Variants in COL15A1 observed in about 807,000 individuals in gnomAD.
COL15A1 encodes collagen alpha-1(XV) chain.
A neutral mutation model predicts 165.9 loss-of-function variants in COL15A1; 111 were observed. The observed-to-expected ratio is 0.67, with a 90% CI of 0.57 to 0.78. COL15A1 has a LOEUF of 0.78. Ranked by LOEUF, COL15A1 falls within the 30% of genes least tolerant of loss-of-function variation. COL15A1 has a pLI of 0.00. For missense variants in COL15A1, 1,745 were observed against 1,789.7 expected, an observed-to-expected ratio of 0.98 and a Z score of 0.45; for synonymous variants, 659 against 674.8, an observed-to-expected ratio of 0.98 and a Z score of 0.36.
chr9:98,983,828 C>T (rs60319136), intron 2 of COL15A1, among the ~76,000 whole-genome samples: 2,490 of 152,324 alleles, frequency 0.016, 56 homozygotes, highest in African/African-American at 0.057. Flanking sequence ...GAGGAAGACA[C>T]TCAGACTTGG....
intron 5 of COL15A1, among the ~76,000 whole-genome samples, chr9:98,990,422 T>C (rs1228125046): frequency 2.6e-5 from 4 of 152,214 alleles, no homozygotes; most frequent in African/African-American, 4.8e-5. Flanking sequence ...GTTGCCTGCC[T>C]ACCTGGTGAT....
rs374970619 is a variant in COL15A1, at chr9:99,023,338, A to G, written c.1762-19A>G. The G allele has an allele frequency of 2.0e-4, 309 of 1,584,244 alleles. No homozygotes were observed. Among genetic ancestry groups the G allele is most frequent in the Non-Finnish European group, 2.3e-4 (267 of 1,165,250 alleles). ...TCTGGCAGTTAAATGCAAGTAGTGG[A>G]AATTTCTTCTCTTTCCAGGCAGGAG... On this transcript the variant is annotated intron_variant, in intron 13 of 41. Transcript: ENST00000375001.
At position 98,997,059 on chromosome 9, in the gene COL15A1, C is replaced by G; in HGVS notation, c.930C>G (p.Ile310Met). The change falls in exon 6 of 42, where the codon ATC becomes ATG. Residue 310 changes from isoleucine (I) to methionine (M), a missense_variant. Transcript: ENST00000375001. Reference protein sequence around the residue: ...GTLETTNMSIIQHSSPKQGSG... With the variant: ...GTLETTNMSIMQHSSPKQGSG... ...TGGAAACCACCAACATGAGCATCATCCAGCACAGCAGCCCCAAACAAGGCA... is the reference window on the plus strand; with the variant it reads ...TGGAAACCACCAACATGAGCATCATGCAGCACAGCAGCCCCAAACAAGGCA... 1 of 1,614,232 alleles carries G rather than the reference C, an allele frequency of 6.2e-7. No homozygotes were observed. Among genetic ancestry groups the G allele is most frequent in the East Asian group, 2.2e-5 (1 of 44,884 alleles).
At chr9:99,044,840 A>C (rs1839469529) in intron 26 of COL15A1, 70 bp downstream of exon 26, 1 of 1,400,912 alleles carries the variant, frequency 7.1e-7, no homozygotes, top group Non-Finnish European at 1.0e-6. Flanking sequence ...TGATTTGGTT[A>C]GATTTAGTTG....
chr9:99,025,106 GGA>G (rs1839101877), intron 15 of COL15A1, 107 bp downstream of exon 15: 4 of 841,324 alleles, frequency 4.8e-6, no homozygotes, highest in Non-Finnish European at 5.5e-6. Context: ...TTCGCGATGG[GGA>G]GAGAGCAGCT....
intron 12 of COL15A1, among the ~76,000 whole-genome samples, chr9:99,020,807 G>A (rs1839014608): frequency 6.6e-6 from 1 of 152,222 alleles, no homozygotes; most frequent in Non-Finnish European, 1.5e-5. Flanking sequence ...TTCTTCCTGG[G>A]AAAATGTTGG....
Position 99,069,820 on chromosome 9 carries a change from C to T in COL15A1, c.4101C>T (p.Tyr1367=), listed in dbSNP as rs768820539. 6.2e-7 allele frequency: 1 copy of T among 1,614,230 alleles called. No individual in the cohort carries two copies. The highest frequency in any genetic ancestry group is 2.2e-5 in the East Asian group (1 of 44,882). ...GGAAGATTCTGGACCAGAAAGCATA[C>T]AGCTGTGCTAATCGGCTAATTGTCC... ...STGKILDQKA[Y]SCANRLIVLC... Residue 1367 remains tyrosine (Y), a synonymous_variant, in exon 42 of 42, where the codon TAC becomes TAT. Coordinates refer to ENST00000375001, the MANE Select transcript of COL15A1 (RefSeq NM_001855.5).
At chr9:98,999,652 G>A (rs1445405050) in intron 6 of COL15A1, among the ~76,000 whole-genome samples, 1 of 151,410 alleles carries the variant, frequency 6.6e-6, no homozygotes, top group Non-Finnish European at 1.5e-5. Flanking sequence ...CTGAGCAGCT[G>A]GGTCTACAGC....
intron 41 of COL15A1, among the ~76,000 whole-genome samples, chr9:99,068,942 G>A (rs1023964727): frequency 3.3e-5 from 5 of 152,208 alleles, no homozygotes; most frequent in African/African-American, 9.7e-5. Flanking sequence ...CTATGTCATA[G>A]AATTGTGAGA....
chr9:98,952,745 A>C lies in COL15A1; in HGVS notation c.100+8495A>C, dbSNP rs181273510. Among the ~76,000 whole-genome samples, 297 of 152,300 alleles carry C rather than the reference A, an allele frequency of 2.0e-3. 1 individual carries two copies. The highest frequency in any genetic ancestry group is 6.9e-3 in the African/African-American group (288 of 41,568). ...CAAAGTGGTCCCCAGGTTTCCCCCA[A>C]GTACTAATTAAAGTGTGAGCTATTG... On this transcript the variant is annotated intron_variant, in intron 2 of 41. Coordinates refer to ENST00000375001, the MANE Select transcript of COL15A1 (RefSeq NM_001855.5).
chr9:98,954,768 A>G (rs903709612), intron 2 of COL15A1, among the ~76,000 whole-genome samples: 1 of 152,234 alleles, frequency 6.6e-6, no homozygotes, highest in African/African-American at 2.4e-5. Context: ...CTGCAACAGC[A>G]TATGAGAACG....
At chr9:99,039,706 G>C (rs965180754) in intron 22 of COL15A1, among the ~76,000 whole-genome samples, 2 of 152,162 alleles carry the variant, frequency 1.3e-5, no homozygotes, top group Admixed American at 6.5e-5. Context: ...TGAGGTTGCA[G>C]CCCCATCTTC....
At chr9:99,010,570 G>A (rs1414546636) in intron 9 of COL15A1, among the ~76,000 whole-genome samples, 1 of 152,152 alleles carries the variant, frequency 6.6e-6, no homozygotes. Flanking sequence ...TGTTGCAGTA[G>A]ATAACCTCGG....
chr9:99,049,596 C>A, intron 28 of COL15A1, 94 bp from the exon 29 acceptor site: 3 of 1,523,664 alleles, frequency 2.0e-6, no homozygotes, highest in South Asian at 1.2e-5. Context: ...CTTCAGCAGA[C>A]CCTCCTTTCC....
chr9:99,022,988 G>A (rs1839053354), intron 13 of COL15A1, among the ~76,000 whole-genome samples: 2 of 152,184 alleles, frequency 1.3e-5, no homozygotes, highest in African/African-American at 4.8e-5. Flanking sequence ...GGTGGTCCTA[G>A]CATCTCACTG....
rs1354265693 is a variant in COL15A1, at chr9:99,015,585, C to CCT, written c.1503+24_1503+25dup. The CCT allele has an allele frequency of 4.3e-6, 7 of 1,610,988 alleles. No homozygotes were observed. The Middle Eastern group carries it at 5.2e-4, about 119-fold the overall frequency. ...CACTTCTGTAAGTGTCATCTTGTGT[C>CCT]CTCTCTGGCTCACAGGGGAGAGACA... On this transcript the variant is annotated intron_variant, in intron 10 of 41. Transcript: ENST00000375001.
At chr9:98,990,986 G>C (rs886221897) in intron 5 of COL15A1, among the ~76,000 whole-genome samples, 6 of 152,040 alleles carry the variant, frequency 3.9e-5, no homozygotes, top group African/African-American at 7.2e-5. Context: ...CAAGAGTAAA[G>C]CTGCAGACCT....
At chr9:98,964,273 C>T (rs959775606) in intron 2 of COL15A1, among the ~76,000 whole-genome samples, 1 of 126,930 alleles carries the variant, frequency 7.9e-6, no homozygotes, top group African/African-American at 2.9e-5. Flanking sequence ...AGGTCTGATT[C>T]CCTCTCCCAT....
chr9:99,055,725 G>A (rs1285399062), intron 34 of COL15A1, among the ~76,000 whole-genome samples: 1 of 152,248 alleles, frequency 6.6e-6, no homozygotes, highest in African/African-American at 2.4e-5. Flanking sequence ...TAGAGGAGCT[G>A]TTTGATTCTT....
Sources: allele counts gnomAD v4.1 joint callset (sites outside exome capture counted in the v4.1 genomes callset), GRCh38; gene constraint gnomAD v4.1.1; transcripts MANE v1.5; gene names NCBI Gene and HGNC (gene_info 2026-07-23, HGNC 2026-07-21).